DPP10: variants seen among roughly 807,000 people sequenced by gnomAD.
The protein encoded by DPP10 is dipeptidyl peptidase like 10.
DPP10 carries 33 observed loss-of-function variants against 120.9 expected under a neutral mutation model. The observed-to-expected ratio is 0.27, with a 90% confidence interval of 0.21 to 0.37. The LOEUF is 0.37. Among genes scored for constraint, DPP10 ranks in the 10% least tolerant of loss-of-function variants. The pLI, the probability that DPP10 is intolerant of heterozygous loss-of-function variation, is 1.00. For synonymous variants in DPP10, 337 were observed against 326.1 expected, an observed-to-expected ratio of 1.03 and a Z score of -0.36; for missense variants, 816 against 942.8, an observed-to-expected ratio of 0.87 and a Z score of 1.76.
At chr2:114,878,478 A>G (rs189846258) in intron 1 of DPP10, among the ~76,000 whole-genome samples, 2 of 152,230 alleles carry the variant, frequency 1.3e-5, no homozygotes, top group East Asian at 3.9e-4. Context: ...TCATGAAGTT[A>G]TTCCTAATAA....
At chr2:114,757,293 AAAGG>A (rs1021074379) in intron 1 of DPP10, among the ~76,000 whole-genome samples, 18 of 144,520 alleles carry the variant, frequency 1.2e-4, no homozygotes, top group Non-Finnish European at 2.7e-4. Flanking sequence ...GGGGCGAGAG[AAAGG>A]AAGGAAGAGG....
intron 1 of DPP10, among the ~76,000 whole-genome samples, chr2:115,142,382 C>G (rs2050976169): frequency 6.6e-6 from 1 of 152,078 alleles, no homozygotes; most frequent in Non-Finnish European, 1.5e-5. Context: ...TAAATACAGA[C>G]AAAGTCAAAG....
chr2:114,726,161 G>A (rs1246966439), intron 1 of DPP10, among the ~76,000 whole-genome samples: 2 of 151,848 alleles, frequency 1.3e-5, no homozygotes, highest in African/African-American at 4.8e-5. Context: ...GCGTGAACCC[G>A]GGAGGCGGAG....
intron 1 of DPP10, among the ~76,000 whole-genome samples, chr2:114,765,302 A>T (rs1316737689): frequency 6.6e-6 from 1 of 152,202 alleles, no homozygotes; most frequent in Non-Finnish European, 1.5e-5. Flanking sequence ...CATACCATAG[A>T]TTCACTCAAT....
At chr2:114,605,414 G>A (rs560585226) in intron 1 of DPP10, among the ~76,000 whole-genome samples, 1 of 152,124 alleles carries the variant, frequency 6.6e-6, no homozygotes, top group East Asian at 1.9e-4. Context: ...CCTTCATGTT[G>A]TTCCACTTTC....
intron 1 of DPP10, among the ~76,000 whole-genome samples, chr2:114,640,829 T>C (rs1695652351): frequency 6.6e-6 from 1 of 151,870 alleles, no homozygotes; most frequent in South Asian, 2.1e-4. Context: ...GGGAAGCAGT[T>C]TGCCAGACAG....
intron 1 of DPP10, among the ~76,000 whole-genome samples, chr2:114,593,062 C>A (rs1991591): frequency 6.6e-6 from 1 of 152,058 alleles, no homozygotes; most frequent in Non-Finnish European, 1.5e-5. Flanking sequence ...TCTCATGTTT[C>A]TTTTAGTAAT....
chr2:115,247,433 CAT>C (rs2058582953), intron 1 of DPP10, among the ~76,000 whole-genome samples: 1 of 152,032 alleles, frequency 6.6e-6, no homozygotes, highest in African/African-American at 2.4e-5. Context: ...AGAAAGCAAA[CAT>C]ATGATGTAAA....
intron 21 of DPP10, among the ~76,000 whole-genome samples, chr2:115,821,768 G>A (rs971716870): frequency 1.3e-5 from 2 of 151,734 alleles, no homozygotes; most frequent in South Asian, 4.2e-4. Flanking sequence ...AAAATAATTT[G>A]TTTATCCATT....
intron 5 of DPP10, among the ~76,000 whole-genome samples, chr2:115,587,931 A>G (rs2082394406): frequency 6.6e-6 from 1 of 152,340 alleles, no homozygotes; most frequent in East Asian, 1.9e-4. Flanking sequence ...CTAAGATCCA[A>G]GTAACAATTA....
In DPP10 at chr2:114,949,583, CA is replaced by C. The variant is rs1697623968; in HGVS notation, c.61-359654del. Among the ~76,000 whole-genome samples the C allele has an allele frequency of 3.3e-5, 5 of 152,282 alleles. No homozygotes were observed. In the South Asian group the frequency reaches 8.3e-4, roughly 25 times the overall value. ...TCATTAGGGCCTGAGTGGTGGGCCC[CA>C]AGGGTTTGCACTTGACATGGACCCA... On this transcript the variant is annotated intron_variant, in intron 1 of 25. Coordinates refer to ENST00000410059, the MANE Select transcript of DPP10 (RefSeq NM_020868.6).
At chr2:114,855,515 TAA>T (rs1689301540) in intron 1 of DPP10, among the ~76,000 whole-genome samples, 1 of 152,212 alleles carries the variant, frequency 6.6e-6, no homozygotes, top group Non-Finnish European at 1.5e-5. Flanking sequence ...TCAGAAGGTT[TAA>T]AAAGAGATTA....
chr2:114,726,047 A>G (rs969645225), intron 1 of DPP10, among the ~76,000 whole-genome samples: 1 of 152,062 alleles, frequency 6.6e-6, no homozygotes, highest in Non-Finnish European at 1.5e-5. Flanking sequence ...CCTGGCTAAC[A>G]TGGTGAAACC....
intron 1 of DPP10, among the ~76,000 whole-genome samples, chr2:115,102,314 A>G (rs970049340): frequency 6.6e-5 from 10 of 152,148 alleles, no homozygotes; most frequent in African/African-American, 2.4e-4. Flanking sequence ...ACCTCCAAAT[A>G]CCATCATTTT....
chr2:115,434,210 G>T (rs1574834344), intron 3 of DPP10, among the ~76,000 whole-genome samples: 2 of 151,906 alleles, frequency 1.3e-5, no homozygotes, highest in African/African-American at 2.4e-5. Context: ...AAATTTTCTG[G>T]ATAATTTTAG....
intron 1 of DPP10, among the ~76,000 whole-genome samples, chr2:114,962,139 C>T (rs900749069): frequency 3.3e-5 from 5 of 151,942 alleles, no homozygotes; most frequent in Non-Finnish European, 7.4e-5. Context: ...ACTTCATCAT[C>T]GTAAGTATGT....
At chr2:115,193,217 CT>C (rs1445018479) in intron 1 of DPP10, among the ~76,000 whole-genome samples, 1 of 152,146 alleles carries the variant, frequency 6.6e-6, no homozygotes, top group African/African-American at 2.4e-5. Context: ...AACTTTTTGA[CT>C]TGTTGTAAAC....
chr2:114,922,000 G>T (rs1695231221), intron 1 of DPP10, among the ~76,000 whole-genome samples: 1 of 152,182 alleles, frequency 6.6e-6, no homozygotes, highest in Non-Finnish European at 1.5e-5. Context: ...CATCTATTTT[G>T]CAAAGTGCTA....
chr2:115,729,454 T>C (rs1331335088), intron 8 of DPP10, among the ~76,000 whole-genome samples: 1 of 152,192 alleles, frequency 6.6e-6, no homozygotes, highest in African/African-American at 2.4e-5. Flanking sequence ...TCTAGGGATT[T>C]GCAAGCATTT....
Sources: allele counts gnomAD v4.1 joint callset (sites outside exome capture counted in the v4.1 genomes callset), GRCh38; gene constraint gnomAD v4.1.1; transcripts MANE v1.5; gene names NCBI Gene and HGNC (gene_info 2026-07-23, HGNC 2026-07-21).